PRDM10: variants seen among roughly 807,000 people sequenced by gnomAD.
PRDM10 encodes PR/SET domain 10.
PRDM10 carries 65 observed loss-of-function variants against 133.1 expected under a neutral mutation model. The observed-to-expected ratio is 0.49, with a 90% CI of 0.40 to 0.60. PRDM10 has a LOEUF of 0.60. Ranked by LOEUF, PRDM10 falls within the 20% of genes least tolerant of loss-of-function variation. The pLI, the probability that PRDM10 is intolerant of heterozygous loss-of-function variation, is 0.00. For synonymous variants in PRDM10, 582 were observed against 580.4 expected (o/e 1.00, Z -0.04); for missense variants, 1,137 against 1,507.1 (o/e 0.75, Z 4.07).
rs565109306 is a variant in PRDM10, at chr11:129,900,892, A to G, written c.*1421T>C. On this transcript the variant is annotated 3_prime_UTR_variant, in exon 21 of 21. Coordinates refer to ENST00000360871, the MANE Select transcript of PRDM10 (RefSeq NM_199437.2). ...TAAAGTTCTTTTAACAGAATTGTTC[A>G]CTTTTCAGAAAATTGTCTTTATCAT... is the stretch of plus-strand genomic sequence containing the variant. The G allele has an allele frequency of 2.0e-5, 3 of 152,640 alleles. No individual in the cohort carries two copies. The highest frequency in any genetic ancestry group is 4.4e-5 in the Non-Finnish European group (3 of 68,034). 9.5% of individuals were successfully genotyped at this position (152,640 alleles called of 1,614,324 possible). A position where few individuals can be genotyped will look rare whatever the true frequency, so the allele number is the denominator to read the frequency against.
chr11:129,931,720 CTG>C (rs1302520245), intron 10 of PRDM10, among the ~76,000 whole-genome samples: 9 of 152,122 alleles, frequency 5.9e-5, no homozygotes, highest in East Asian at 1.9e-4. Context: ...GCGCCCGCCA[CTG>C]CACCCAGCTA....
At chr11:129,930,953 AGAGCTG>A in intron 11 of PRDM10, 57 bp downstream of exon 11, 1 of 1,536,042 alleles carries the variant, frequency 6.5e-7, no homozygotes, top group Non-Finnish European at 8.7e-7. Context: ...AAACCACCAG[AGAGCTG>A]GTGGTGGGAG....
chr11:129,939,406 C>T (rs10894166), intron 7 of PRDM10, among the ~76,000 whole-genome samples: 67,441 of 152,066 alleles, frequency 0.44, 15,591 homozygotes, highest in East Asian at 0.62. Context: ...TAATTAACTA[C>T]GCCCCTGTAG....
chr11:129,999,630 C>T (rs1203531231), intron 1 of PRDM10, among the ~76,000 whole-genome samples: 1 of 152,128 alleles, frequency 6.6e-6, no homozygotes, highest in Non-Finnish European at 1.5e-5. Context: ...GATATAATTA[C>T]GCGGTTACGA....
At chr11:129,963,268 C>T (rs1951831175) in intron 1 of PRDM10, among the ~76,000 whole-genome samples, 2 of 150,882 alleles carry the variant, frequency 1.3e-5, no homozygotes, top group Non-Finnish European at 1.5e-5. Flanking sequence ...CAGAGCCCGG[C>T]GTGGTGGCAC....
intron 1 of PRDM10, among the ~76,000 whole-genome samples, chr11:129,974,456 TAAGA>T (rs1937644112): frequency 6.6e-6 from 1 of 151,840 alleles, no homozygotes. Context: ...GGGAAGAGTC[TAAGA>T]AAGAAGGAAC....
chr11:129,927,628 C>G (rs927485132), intron 11 of PRDM10, among the ~76,000 whole-genome samples: 3 of 152,138 alleles, frequency 2.0e-5, no homozygotes, highest in Non-Finnish European at 2.9e-5. Flanking sequence ...ACTGAGCCAC[C>G]ACCTGGCTCC....
rs1315095184 is a variant in PRDM10 at position 129,915,880 on chromosome 11, G to A, written c.2326-20C>T. The A allele has an allele frequency of 6.2e-7, 1 of 1,608,190 alleles. No individual in the cohort carries two copies. Among genetic ancestry groups the A allele is most frequent in the African/African-American group, 1.3e-5 (1 of 74,570 alleles). ...ATAAACCTGCAAATGTAAGCGCCTT[G>A]CCATGAAAGCAGTATACAGTTCCAC... On this transcript the variant is annotated intron_variant, in intron 15 of 20. Coordinates refer to ENST00000360871, the MANE Select transcript of PRDM10 (RefSeq NM_199437.2).
At chr11:129,970,607 C>T (rs1201653151) in intron 1 of PRDM10, among the ~76,000 whole-genome samples, 2 of 151,236 alleles carry the variant, frequency 1.3e-5, no homozygotes, top group Non-Finnish European at 2.9e-5. Flanking sequence ...TGCAGTGGCA[C>T]GATCTCAGCT....
chr11:129,962,730 T>A (rs901566354), intron 1 of PRDM10, among the ~76,000 whole-genome samples: 21 of 152,216 alleles, frequency 1.4e-4, no homozygotes, highest in African/African-American at 4.3e-4. Context: ...TGATTTTTTT[T>A]AAAGCATACC....
At chr11:129,970,636 T>A (rs913444996) in intron 1 of PRDM10, among the ~76,000 whole-genome samples, 1 of 151,848 alleles carries the variant, frequency 6.6e-6, no homozygotes, top group Non-Finnish European at 1.5e-5. Context: ...CCTCCGCCTC[T>A]TGGGTTTAGG....
chr11:129,954,266 A>ATT (rs869088706), intron 4 of PRDM10, among the ~76,000 whole-genome samples: 18 of 96,104 alleles, frequency 1.9e-4, no homozygotes, highest in African/African-American at 8.8e-4. Context: ...TAATTTATTT[A>ATT]TTTTTTTTTT....
intron 1 of PRDM10, among the ~76,000 whole-genome samples, chr11:129,993,433 T>G (rs889134088): frequency 1.3e-5 from 2 of 152,118 alleles, no homozygotes; most frequent in Non-Finnish European, 2.9e-5. Context: ...GTTTCTGGAC[T>G]CCATATGGTG....
At chr11:129,907,351 C>T (rs1394390090) in intron 19 of PRDM10, among the ~76,000 whole-genome samples, 1 of 152,124 alleles carries the variant, frequency 6.6e-6, no homozygotes, top group Non-Finnish European at 1.5e-5. Context: ...AAAAGAAACT[C>T]AAAAGTCATC....
At chr11:129,940,378 G>A (rs1221572102) in intron 7 of PRDM10, among the ~76,000 whole-genome samples, 4 of 152,198 alleles carry the variant, frequency 2.6e-5, no homozygotes, top group African/African-American at 4.8e-5. Context: ...GATTTACTCA[G>A]CCAAGAATAT....
Position 129,923,120 on chromosome 11 carries a change from A to T in PRDM10, c.2034+128T>A. ...ATAACTAAGTCAAACACAAGGCCCA[A>T]AGAGTATCTCAGGTCCAGTTCATCA... On this transcript the variant is annotated intron_variant, in intron 13 of 20. Transcript: ENST00000360871. This position sits in a 1 kb window ranked among gnomAD's most constrained non-coding sequence, Gnocchi z 4.4. The T allele has an allele frequency of 8.7e-7, 1 of 1,152,388 alleles. No individual in the cohort carries two copies. The highest frequency in any genetic ancestry group is 1.2e-6 in the Non-Finnish European group (1 of 855,060). The allele number at this position is 1,152,388 out of a possible 1,614,324, so 71.4% of individuals were successfully genotyped here. A position where few individuals can be genotyped will look rare whatever the true frequency, so the allele number is the denominator to read the frequency against.
In PRDM10 at chr11:129,995,840, G is replaced by C. The variant is rs541317337; in HGVS notation, c.-119+6882C>G. The stretch of plus-strand genomic sequence containing the variant: ...GGGCTCCTGTAATCCCAGCTACTTG[G>C]GGGGCTGAGGCAGGAGAATCACTTG... On this transcript the variant is annotated intron_variant, in intron 1 of 20. Transcript: ENST00000360871. 3.9e-5 allele frequency among the ~76,000 whole-genome samples: 6 copies of C among 152,216 alleles called. No homozygotes were observed. In the South Asian group the frequency reaches 1.2e-3, roughly 32 times the overall value.
In PRDM10 at chr11:129,923,195, C is replaced by G. The variant is rs1208526661; in HGVS notation, c.2034+53G>C. The G allele has an allele frequency of 4.7e-6, 7 of 1,501,204 alleles. No homozygotes were observed. Among genetic ancestry groups the G allele is most frequent in the African/African-American group, 1.4e-5 (1 of 71,492 alleles). 93.0% of individuals were successfully genotyped at this position (1,501,204 alleles called of 1,614,324 possible). ...TGAACAGGCATTTACCCTCAGCTTG[C>G]TATAATTCCAGTGGCCACGAGAACC... On this transcript the variant is annotated intron_variant, in intron 13 of 20. Transcript: ENST00000360871. This position sits in a 1 kb window ranked among gnomAD's most constrained non-coding sequence, Gnocchi z 4.4.
intron 13 of PRDM10, among the ~76,000 whole-genome samples, chr11:129,919,164 A>C (rs1950447938): frequency 1.3e-5 from 2 of 152,130 alleles, no homozygotes. Flanking sequence ...TGAGGTCAGG[A>C]GTTTGAGACC....
Sources: allele counts gnomAD v4.1 joint callset (sites outside exome capture counted in the v4.1 genomes callset), GRCh38; gene constraint gnomAD v4.1.1; non-coding constraint Gnocchi (gnomAD v3.1); transcripts MANE v1.5; gene names NCBI Gene and HGNC (gene_info 2026-07-23, HGNC 2026-07-21).